SLC4A9: variants seen among roughly 807,000 people sequenced by gnomAD.
SLC4A9 encodes solute carrier family 4 member 9.
SLC4A9 carries 102 observed loss-of-function variants against 103.2 expected under a neutral mutation model. That is an observed-to-expected ratio of 0.99 (90% CI 0.84 to 1.17). The LOEUF is 1.17. Ranked by LOEUF, SLC4A9 falls within the 50% of genes most tolerant of loss-of-function variation. SLC4A9 has a pLI of 0.00. For missense variants in SLC4A9, 1,091 were observed against 1,193.7 expected (o/e 0.91, Z 1.27); for synonymous variants, 453 against 483.6 (o/e 0.94, Z 0.83).
In SLC4A9 at chr5:140,365,883, G is replaced by C; in HGVS notation, c.1760G>C (p.Arg587Pro). The C allele has an allele frequency of 6.2e-7, 1 of 1,613,956 alleles. No individual in the cohort carries two copies. Residue 587 changes from arginine to proline, a missense_variant, in exon 13 of 22, where the codon CGG becomes CCG. Transcript: ENST00000506757. ...ASLLPPPECT[R>P]QGGHPRGPGC... Reference sequence around the variant, plus strand: ...TTGCTGCCGCCACCTGAGTGCACCCGGCAGGGAGGCCACCCTCGTGGCCCT... The same window carrying C: ...TTGCTGCCGCCACCTGAGTGCACCCCGCAGGGAGGCCACCCTCGTGGCCCT...
Position 140,363,632 on chromosome 5 carries a change from T to C in SLC4A9, c.1079+77T>C. On this transcript the variant is annotated intron_variant, in intron 8 of 21. Coordinates refer to ENST00000506757, the MANE Select transcript of SLC4A9 (RefSeq NM_031467.3). This position sits in a 1 kb window ranked among gnomAD's most constrained non-coding sequence, Gnocchi z 4.5. ...GTCACAGGGAAACTGAGGTGTGTGCTCACTGTGGGAGGGGCTCACCCGGTC... is the reference window on the plus strand; with the variant it reads ...GTCACAGGGAAACTGAGGTGTGTGCCCACTGTGGGAGGGGCTCACCCGGTC... The C allele has an allele frequency of 6.4e-7, 1 of 1,572,810 alleles. No individual in the cohort carries two copies. Among genetic ancestry groups the C allele is most frequent in the Non-Finnish European group, 8.6e-7 (1 of 1,157,176 alleles).
In SLC4A9 at chr5:140,372,854, GAGGGA is replaced by G; in HGVS notation, c.*45+14_*45+18del. On this transcript the variant is annotated intron_variant, in intron 21 of 21. Transcript: ENST00000506757. ...AGGAAACAGCATGAGGTGAGGGTGT[GAGGGA>G]AGTGCTCCTGATGTTGAGGATGGGA... 2.7e-6 allele frequency: 4 copies of G among 1,454,930 alleles called. No homozygotes were observed. The highest frequency in any genetic ancestry group is 3.7e-6 in the Non-Finnish European group (4 of 1,079,834). 90.1% of individuals were successfully genotyped at this position (1,454,930 alleles called of 1,614,324 possible).
Position 140,365,635 on chromosome 5 carries a change from G to A in SLC4A9, c.1710+57G>A, listed in dbSNP as rs554937486. ...GGAAAGGGTGGAGACCAAGGCAGTC[G>A]GTGGTTTCTAGCTCTTCCTACCCAT... On this transcript the variant is annotated intron_variant, in intron 12 of 21. Transcript: ENST00000506757. 47 of 1,570,228 alleles carry A rather than the reference G, an allele frequency of 3.0e-5. No homozygotes were observed. The East Asian group carries it at 5.2e-4, about 17-fold the overall frequency.
At chr5:140,368,333 A>C (rs1307182135) in intron 16 of SLC4A9, among the ~76,000 whole-genome samples, 1 of 152,240 alleles carries the variant, frequency 6.6e-6, no homozygotes, top group African/African-American at 2.4e-5. Context: ...TTTTCCATCA[A>C]AATAAAAATA....
chr5:140,363,315 C>CG lies in SLC4A9; in HGVS notation c.963-123dup. On this transcript the variant is annotated intron_variant, in intron 7 of 21. Coordinates refer to ENST00000506757, the MANE Select transcript of SLC4A9 (RefSeq NM_031467.3). This position sits in a 1 kb window ranked among gnomAD's most constrained non-coding sequence, Gnocchi z 4.5. ...CTGGACCTTCTAGAGGCCCAGGTGT[C>CG]GCCATGGTTCCCTCGCCGGCAGAGA... 1.1e-5 allele frequency: 11 copies of CG among 993,104 alleles called. No homozygotes were observed. Among genetic ancestry groups the CG allele is most frequent in the Non-Finnish European group, 1.6e-5 (11 of 673,204 alleles). The allele number at this position is 993,104 out of a possible 1,614,324, so 61.5% of individuals were successfully genotyped here.
chr5:140,364,022 G>T, intron 9 of SLC4A9, 32 bp from the exon 10 acceptor site: 2 of 1,529,188 alleles, frequency 1.3e-6, no homozygotes, highest in South Asian at 1.3e-5. Flanking sequence ...GAGGACTTCA[G>T]GGTCCTGTGC....
chr5:140,364,323 A>G, intron 10 of SLC4A9, 40 bp from the exon 11 acceptor site: 3 of 1,609,338 alleles, frequency 1.9e-6, no homozygotes, highest in Non-Finnish European at 2.5e-6. Flanking sequence ...GGAAGCAGAC[A>G]GCCCTGCTAA....
chr5:140,371,359 T>A, intron 18 of SLC4A9, 92 bp from the exon 19 acceptor site: 6 of 1,524,482 alleles, frequency 3.9e-6, no homozygotes, highest in Non-Finnish European at 5.4e-6. Flanking sequence ...GCTCTCTGCC[T>A]GCTCCCAGTG....
At chr5:140,369,404 G>T (rs1486603938) in intron 17 of SLC4A9, among the ~76,000 whole-genome samples, 1 of 152,176 alleles carries the variant, frequency 6.6e-6, no homozygotes, top group Non-Finnish European at 1.5e-5. Flanking sequence ...CTAGGCACTT[G>T]GGAGAAGTAC....
chr5:140,361,014 C>T, intron 2 of SLC4A9, 42 bp downstream of exon 2: 1 of 1,494,440 alleles, frequency 6.7e-7, no homozygotes, highest in Non-Finnish European at 9.0e-7. Context: ...GGTAGCCATG[C>T]CTTTTCCCCA....
intron 21 of SLC4A9, among the ~76,000 whole-genome samples, chr5:140,373,695 T>G (rs1308985989): frequency 6.6e-6 from 1 of 152,186 alleles, no homozygotes; most frequent in Non-Finnish European, 1.5e-5. Context: ...AAGAGGATTC[T>G]TTGAGCCCAG....
At chr5:140,371,218 A>G (rs1167865660) in intron 18 of SLC4A9, 55 bp downstream of exon 18, 63 of 1,551,140 alleles carry the variant, frequency 4.1e-5, no homozygotes, top group Non-Finnish European at 5.3e-5. Flanking sequence ...AAAGACAAAC[A>G]AAAAAGAACA....
In SLC4A9 at chr5:140,363,335, CAG is replaced by C. The variant is rs1767387588; in HGVS notation, c.963-100_963-99del. 2.7e-6 allele frequency: 3 copies of C among 1,130,510 alleles called. No homozygotes were observed. Among genetic ancestry groups the C allele is most frequent in the Non-Finnish European group, 3.8e-6 (3 of 793,054 alleles). 70.0% of individuals were successfully genotyped at this position (1,130,510 alleles called of 1,614,324 possible). A position where few individuals can be genotyped will look rare whatever the true frequency, so the allele number is the denominator to read the frequency against. On this transcript the variant is annotated intron_variant, in intron 7 of 21. Coordinates refer to ENST00000506757, the MANE Select transcript of SLC4A9 (RefSeq NM_031467.3). The surrounding 1 kb of genome is among the most constrained non-coding windows in gnomAD (Gnocchi z 4.5). ...GGTGTCGCCATGGTTCCCTCGCCGG[CAG>C]AGACAAGAGCAGCCGCTAGGGGGCA...
intron 9 of SLC4A9, 29 bp from the exon 10 acceptor site, chr5:140,364,025 T>C: frequency 1.3e-6 from 2 of 1,527,718 alleles, no homozygotes; most frequent in Non-Finnish European, 1.8e-6. Flanking sequence ...GACTTCAGGG[T>C]CCTGTGCTGA....
intron 21 of SLC4A9, among the ~76,000 whole-genome samples, chr5:140,374,531 C>G (rs920751552): frequency 1.1e-5 from 1 of 94,372 alleles, no homozygotes; most frequent in Non-Finnish European, 1.9e-5. Context: ...GCCTGGGCGA[C>G]AAGAGCAAAA....
chr5:140,360,227 T>C lies in SLC4A9; in HGVS notation c.-10T>C, dbSNP rs751249504. On this transcript the variant is annotated 5_prime_UTR_variant, in exon 1 of 22. Transcript: ENST00000506757. ...GGACTGTACTGGTTCTGAGATTCTG[T>C]GCAAGCCTCATGGAAATGAAGCTGC... 26 of 1,606,748 alleles carry C rather than the reference T, an allele frequency of 1.6e-5. No individual in the cohort carries two copies. The highest frequency in any genetic ancestry group is 2.2e-5 in the Non-Finnish European group (26 of 1,176,322).
At chr5:140,369,798 T>G (rs1200873721) in intron 17 of SLC4A9, among the ~76,000 whole-genome samples, 1 of 151,918 alleles carries the variant, frequency 6.6e-6, no homozygotes, top group Non-Finnish European at 1.5e-5. Context: ...GCTCAGGAGT[T>G]TGAGACCAGC....
At position 140,371,079 on chromosome 5, in the gene SLC4A9, T is replaced by C; in HGVS notation, c.2428-16T>C. The C allele has an allele frequency of 6.2e-7, 1 of 1,606,252 alleles. No homozygotes were observed. The highest frequency in any genetic ancestry group is 8.5e-7 in the Non-Finnish European group (1 of 1,176,310). On this transcript the variant is annotated splice_polypyrimidine_tract_variant and intron_variant, in intron 17 of 21. Coordinates refer to ENST00000506757, the MANE Select transcript of SLC4A9 (RefSeq NM_031467.3). ...GCAGAGGTAAACTTTGATAACTCTC[T>C]GCTTCTTTCTACCAGTTCATTCCAA...
intron 3 of SLC4A9, 119 bp downstream of exon 3, chr5:140,361,486 C>A: frequency 1.3e-6 from 1 of 798,298 alleles, no homozygotes; most frequent in Non-Finnish European, 2.0e-6. Context: ...ACCCAGGACT[C>A]ATGAGCAAGA....
Sources: allele counts gnomAD v4.1 joint callset (sites outside exome capture counted in the v4.1 genomes callset), GRCh38; gene constraint gnomAD v4.1.1; non-coding constraint Gnocchi (gnomAD v3.1); transcripts MANE v1.5; gene names NCBI Gene and HGNC (gene_info 2026-07-23, HGNC 2026-07-21).